The following ZFYVE9 variants were observed in gnomAD, a reference collection of about 807,000 sequenced individuals.
ZFYVE9 encodes the protein zinc finger FYVE-type containing 9, also known as zinc finger FYVE domain-containing protein 9.
In ZFYVE9, 43 loss-of-function variants were observed where a neutral mutation model predicts 126.7. The observed-to-expected ratio is 0.34, with a 90% CI of 0.27 to 0.44. ZFYVE9 has a LOEUF of 0.44. ZFYVE9 is among the 20% of genes least tolerant of loss of function. The pLI, the probability that ZFYVE9 is intolerant of heterozygous loss-of-function variation, is 1.00. For synonymous variants in ZFYVE9, 521 were observed against 597.4 expected (o/e 0.87, Z 1.87); for missense variants, 1,476 against 1,697.0 (o/e 0.87, Z 2.29).
At chr1:52,300,223 A>G (rs1646020349) in intron 12 of ZFYVE9, among the ~76,000 whole-genome samples, 1 of 152,154 alleles carries the variant, frequency 6.6e-6, no homozygotes, top group Admixed American at 6.5e-5. Flanking sequence ...TTTGTTGAGT[A>G]GAGGGGAGCA....
chr1:52,327,428 C>T (rs1028125536), intron 13 of ZFYVE9, among the ~76,000 whole-genome samples: 1 of 151,130 alleles, frequency 6.6e-6, no homozygotes. Flanking sequence ...ATGGTGAAAC[C>T]CCATCTGTAT....
chr1:52,264,995 C>A (rs1645618275), intron 5 of ZFYVE9, among the ~76,000 whole-genome samples: 1 of 152,202 alleles, frequency 6.6e-6, no homozygotes, highest in Non-Finnish European at 1.5e-5. Context: ...CAGATAAGAG[C>A]ATGCTGCTTA....
Position 52,254,170 on chromosome 1 carries a change from T to C in ZFYVE9, c.2179-9603T>C, listed in dbSNP as rs1645479942. The C allele has an allele frequency of 4.7e-6, 3 of 636,886 alleles. No homozygotes were observed. The East Asian group carries it at 8.6e-5, about 18-fold the overall frequency. 39.5% of individuals were successfully genotyped at this position (636,886 alleles called of 1,614,324 possible). ...CAACTATAGATTTCATGATGTATTG[T>C]TCAATAAGGTGACTTTAAAATGATA... On this transcript the variant is annotated intron_variant, in intron 4 of 18. Coordinates refer to ENST00000287727, the MANE Select transcript of ZFYVE9 (RefSeq NM_004799.4).
intron 4 of ZFYVE9, among the ~76,000 whole-genome samples, chr1:52,254,378 TAA>T (rs35072882): frequency 0.084 from 10,167 of 120,602 alleles, 436 homozygotes; most frequent in African/African-American, 0.13. Context: ...TTTACATTAC[TAA>T]AAAAAAAAAA....
At chr1:52,188,575 TAATAGTTTTGTAATTTTGTACAAAA>T (rs1383546946) in intron 1 of ZFYVE9, among the ~76,000 whole-genome samples, 3 of 152,218 alleles carry the variant, frequency 2.0e-5, no homozygotes, top group African/African-American at 7.2e-5. Flanking sequence ...TCATTAAAAA[TAATAGTTTTGTAATTTTGTACAAAA>T]AATAGTTTTG....
Position 52,244,656 on chromosome 1 carries a change from CAGTT to C in ZFYVE9, c.2178+5064_2178+5067del, listed in dbSNP as rs202151778. Among the ~76,000 whole-genome samples the C allele has an allele frequency of 2.0e-4, 30 of 152,196 alleles. No homozygotes were observed. In the East Asian group the frequency reaches 2.9e-3, roughly 15 times the overall value. ...TTGTGCTTGGCATCAAACTTTCAGT[CAGTT>C]AGATGAATTAAAAAATAATCTAGTC... On this transcript the variant is annotated intron_variant, in intron 4 of 18. Transcript: ENST00000287727.
chr1:52,325,336 T>C (rs1450263282), intron 13 of ZFYVE9, among the ~76,000 whole-genome samples: 1 of 151,382 alleles, frequency 6.6e-6, no homozygotes, highest in Non-Finnish European at 1.5e-5. Context: ...TCTAAAAAAT[T>C]AAATAAATAA....
chr1:52,293,205 C>T (rs190798339), intron 10 of ZFYVE9, among the ~76,000 whole-genome samples: 3 of 151,638 alleles, frequency 2.0e-5, no homozygotes, highest in African/African-American at 4.8e-5. Flanking sequence ...GGTGAAACCC[C>T]GTCTCCACTA....
At chr1:52,146,407 G>C (rs1244393803) in intron 1 of ZFYVE9, among the ~76,000 whole-genome samples, 4 of 152,108 alleles carry the variant, frequency 2.6e-5, no homozygotes, top group African/African-American at 4.8e-5. Context: ...ATTTACTTAA[G>C]AACTGTTTTC....
intron 10 of ZFYVE9, among the ~76,000 whole-genome samples, chr1:52,292,695 C>T (rs1645934446): frequency 6.6e-6 from 1 of 151,966 alleles, no homozygotes; most frequent in Non-Finnish European, 1.5e-5. Flanking sequence ...TGGTCTCGAA[C>T]TCTGACCTTG....
At position 52,237,626 on chromosome 1, in the gene ZFYVE9, A is replaced by T. The variant is rs779679829; in HGVS notation, c.209A>T (p.Lys70Ile). The T allele has an allele frequency of 2.4e-5, 39 of 1,613,976 alleles. No homozygotes were observed. The highest frequency in any genetic ancestry group is 3.1e-5 in the Non-Finnish European group (37 of 1,179,980). ...AVSNESQPQL[K>I]VFSLAHSAPL... The stretch of plus-strand genomic sequence containing the variant: ...TCTAATGAGTCACAACCACAACTGA[A>T]AGTCTTCTCCCTGGCTCATTCAGCT... Residue 70 changes from lysine to isoleucine, a missense_variant, in exon 4 of 19, where the codon AAA (lysine) becomes ATA (isoleucine). This residue lies in a region of ZFYVE9 where 807 missense variants were observed against 794.6 expected (regional missense o/e 1.02). Coordinates refer to ENST00000287727, the MANE Select transcript of ZFYVE9 (RefSeq NM_004799.4).
chr1:52,345,083 C>A, intron 18 of ZFYVE9, 139 bp downstream of exon 18: 1 of 875,016 alleles, frequency 1.1e-6, no homozygotes. Context: ...TTGGCCCTCT[C>A]TTTAATAGTA....
chr1:52,168,006 A>G (rs1376458465), intron 1 of ZFYVE9, among the ~76,000 whole-genome samples: 2 of 152,096 alleles, frequency 1.3e-5, no homozygotes, highest in African/African-American at 2.4e-5. Context: ...TTATAGTATT[A>G]TATGCATTTT....
At chr1:52,293,751 G>T in intron 11 of ZFYVE9, 74 bp downstream of exon 11, 1 of 1,400,286 alleles carries the variant, frequency 7.1e-7, no homozygotes, top group East Asian at 2.3e-5. Flanking sequence ...CCCTCTGTTT[G>T]GTGATATAAT....
chr1:52,278,734 T>C (rs928342597), intron 9 of ZFYVE9, 120 bp downstream of exon 9: 27 of 753,766 alleles, frequency 3.6e-5, no homozygotes, highest in Admixed American at 1.1e-4. Context: ...TTTTTTTCTT[T>C]TTTTTTTTTT....
At chr1:52,212,084 C>T (rs1645033572) in intron 1 of ZFYVE9, among the ~76,000 whole-genome samples, 2 of 152,098 alleles carry the variant, frequency 1.3e-5, no homozygotes, top group Non-Finnish European at 2.9e-5. Flanking sequence ...CTTTTTAGAT[C>T]CTTATCTTTC....
intron 17 of ZFYVE9, among the ~76,000 whole-genome samples, chr1:52,342,527 C>T (rs1393133262): frequency 2.5e-5 from 3 of 120,958 alleles, no homozygotes. Context: ...GTCTTGGCCT[C>T]CCAAAGTGCC....
intron 5 of ZFYVE9, among the ~76,000 whole-genome samples, chr1:52,265,326 A>G (rs539893832): frequency 1.3e-5 from 2 of 152,238 alleles, no homozygotes; most frequent in East Asian, 3.9e-4. Flanking sequence ...TCAAAGGAAC[A>G]TAGCTTTTGT....
intron 1 of ZFYVE9, among the ~76,000 whole-genome samples, chr1:52,187,375 C>T (rs1227725138): frequency 6.6e-6 from 1 of 152,142 alleles, no homozygotes; most frequent in Non-Finnish European, 1.5e-5. Flanking sequence ...TGGAAGACAG[C>T]CTAGGCAATA....
Sources: gnomAD v4.1 joint callset for allele counts (sites outside exome capture counted in the v4.1 genomes callset) on GRCh38, gnomAD v4.1.1 for gene constraint, gnomAD v4.1.1 regional missense constraint, MANE v1.5 for transcripts, NCBI Gene and HGNC (gene_info 2026-07-23, HGNC 2026-07-21) for gene names.